DAO: variants seen among roughly 807,000 people sequenced by gnomAD.
The protein encoded by DAO is D-amino acid oxidase.
Under a neutral mutation model 50.1 loss-of-function variants are expected in DAO, and 51 were observed. The observed-to-expected ratio is 1.02, with a 90% CI of 0.81 to 1.29. The LOEUF is 1.29. DAO is among the 50% of genes most tolerant of loss of function. The pLI is 0.00. For missense variants in DAO, 436 were observed against 439.4 expected, an observed-to-expected ratio of 0.99 and a Z score of 0.07; for synonymous variants, 160 against 166.2, an observed-to-expected ratio of 0.96 and a Z score of 0.29.
chr12:108,883,118 T>G (rs950886659), intron 1 of DAO, among the ~76,000 whole-genome samples: 4 of 150,310 alleles, frequency 2.7e-5, no homozygotes, highest in Non-Finnish European at 5.9e-5. Flanking sequence ...AAGGCAGAAG[T>G]GAAGCCAGGT....
intron 5 of DAO, among the ~76,000 whole-genome samples, chr12:108,891,995 G>A (rs970431990): frequency 4.6e-5 from 7 of 152,058 alleles, no homozygotes; most frequent in Non-Finnish European, 1.0e-4. Context: ...CTAACCTGGG[G>A]ACACATGACC....
At position 108,880,131 on chromosome 12, in the gene DAO, A is replaced by G. The variant is rs894065841; in HGVS notation, c.-103A>G. 2 of 456,600 alleles carry G rather than the reference A, an allele frequency of 4.4e-6. No individual in the cohort carries two copies. Among genetic ancestry groups the G allele is most frequent in the African/African-American group, 4.0e-5 (2 of 50,072 alleles). 28.3% of individuals were successfully genotyped at this position (456,600 alleles called of 1,614,324 possible). On this transcript the variant is annotated 5_prime_UTR_variant, in exon 1 of 11. Transcript: ENST00000228476. ...GCTGGCGGACAGAGGGCTGGAAACA[A>G]GACGCTCCAGAATCAGGAGCTTCCC...
chr12:108,885,291 T>G, intron 2 of DAO, 91 bp downstream of exon 2: 1 of 1,237,104 alleles, frequency 8.1e-7, no homozygotes, highest in African/African-American at 1.5e-5. Context: ...AGCAAGCCCC[T>G]TGTGGAAGCT....
chr12:108,895,974 C>A (rs1463202721), intron 7 of DAO, among the ~76,000 whole-genome samples: 1 of 151,672 alleles, frequency 6.6e-6, no homozygotes, highest in African/African-American at 2.4e-5. Flanking sequence ...GTCACAGATG[C>A]ACCTGTGACT....
At chr12:108,880,409 C>T (rs545540626) in intron 1 of DAO, 185 bp downstream of exon 1, 35 of 310,738 alleles carry the variant, frequency 1.1e-4, no homozygotes, top group South Asian at 2.9e-4. Flanking sequence ...ATTTTTCCCT[C>T]CCCAAGCCTC....
At chr12:108,898,882 G>T in intron 9 of DAO, 86 bp downstream of exon 9, 1 of 851,724 alleles carries the variant, frequency 1.2e-6, no homozygotes. Context: ...AGATGCCACC[G>T]CTGGGATAAC....
At chr12:108,900,095 C>T in intron 10 of DAO, 1 of 386,260 alleles carries the variant, frequency 2.6e-6, no homozygotes, top group Non-Finnish European at 4.9e-6. Context: ...GATGAGGAAA[C>T]TGGGGTGAAT....
At chr12:108,891,542 C>T (rs893130638) in intron 5 of DAO, among the ~76,000 whole-genome samples, 2 of 151,696 alleles carry the variant, frequency 1.3e-5, no homozygotes, top group African/African-American at 4.8e-5. Flanking sequence ...GATTTTAGGA[C>T]CCCACTCTAT....
Position 108,884,987 on chromosome 12 carries a change from C to G in DAO, c.-9-11C>G, listed in dbSNP as rs747209075. 3 of 1,613,612 alleles carry G rather than the reference C, an allele frequency of 1.9e-6. No individual in the cohort carries two copies. Among genetic ancestry groups the G allele is most frequent in the Non-Finnish European group, 2.5e-6 (3 of 1,179,656 alleles). On this transcript the variant is annotated splice_polypyrimidine_tract_variant and intron_variant, in intron 1 of 10. Transcript: ENST00000228476. ...GTGATGATGTTGTGCCTCAACCCTT[C>G]CTTCCCACAGGCTGCTGCAATGCGT...
intron 1 of DAO, among the ~76,000 whole-genome samples, chr12:108,881,977 A>G (rs1247648615): frequency 1.3e-5 from 2 of 151,860 alleles, no homozygotes; most frequent in Non-Finnish European, 2.9e-5. Flanking sequence ...ATTTTATTTT[A>G]TCTTATTTTA....
At chr12:108,884,484 T>C (rs1003132617) in intron 1 of DAO, among the ~76,000 whole-genome samples, 1 of 152,232 alleles carries the variant, frequency 6.6e-6, no homozygotes, top group African/African-American at 2.4e-5. Flanking sequence ...AATGTCAGTA[T>C]ATTACTTCTT....
At chr12:108,892,163 T>C (rs2039498703) in intron 5 of DAO, among the ~76,000 whole-genome samples, 1 of 140,768 alleles carries the variant, frequency 7.1e-6, no homozygotes, top group East Asian at 2.0e-4. Context: ...TTTCTTCTTT[T>C]TTTTTTTTTT....
chr12:108,897,922 G>C (rs538084493), intron 8 of DAO, among the ~76,000 whole-genome samples: 2 of 151,364 alleles, frequency 1.3e-5, no homozygotes, highest in East Asian at 3.9e-4. Flanking sequence ...ACTCCAGCTT[G>C]GGCCACAGAG....
Position 108,901,016 on chromosome 12 carries a change from C to A in DAO, c.*481C>A, listed in dbSNP as rs2039617300. On this transcript the variant is annotated 3_prime_UTR_variant, in exon 11 of 11. Transcript: ENST00000228476. ...CCCAGAGCACCCATGAATGCCATGACACAAATCTGAGAAAATGCTGGAACA... is the reference window on the plus strand; with the variant it reads ...CCCAGAGCACCCATGAATGCCATGAAACAAATCTGAGAAAATGCTGGAACA... 1 of 198,258 alleles carries A rather than the reference C, an allele frequency of 5.0e-6. No individual in the cohort carries two copies. 12.3% of individuals were successfully genotyped at this position (198,258 alleles called of 1,614,324 possible).
intron 7 of DAO, among the ~76,000 whole-genome samples, chr12:108,894,722 T>G (rs1006341153): frequency 2.0e-5 from 3 of 152,136 alleles, no homozygotes; most frequent in Non-Finnish European, 4.4e-5. Flanking sequence ...ATTATTATTA[T>G]CATTGTTATT....
chr12:108,890,462 G>C (rs1294979201), intron 5 of DAO, among the ~76,000 whole-genome samples, 189 bp downstream of exon 5: 1 of 152,202 alleles, frequency 6.6e-6, no homozygotes, highest in Non-Finnish European at 1.5e-5. Context: ...GAGCCTAGCT[G>C]AGCATCAGAA....
chr12:108,894,307 A>G lies in DAO; in HGVS notation c.552A>G (p.Val184=), dbSNP rs769925183. The change falls in exon 7 of 11, where the codon GTA becomes GTG. Residue 184 remains valine, a synonymous_variant. Transcript: ENST00000228476. ...GADVIVNCTG[V]WAGALQRDPL... is the part of the protein sequence containing the mutation. ...ACGTGATTGTCAACTGCACTGGGGT[A>G]TGGGCTGGGGCGCTACAACGAGACC... The G allele has an allele frequency of 6.2e-7, 1 of 1,614,010 alleles. No individual in the cohort carries two copies. The highest frequency in any genetic ancestry group is 1.1e-5 in the South Asian group (1 of 91,052).
chr12:108,898,420 T>G, intron 8 of DAO: 1 of 476,862 alleles, frequency 2.1e-6, no homozygotes, highest in Non-Finnish European at 3.9e-6. Context: ...ATGTTAGTGG[T>G]GGTGGTGAAA....
rs975245844 is a variant in DAO at position 108,900,969 on chromosome 12, A to G, written c.*434A>G. On this transcript the variant is annotated 3_prime_UTR_variant, in exon 11 of 11. Transcript: ENST00000228476. ...GTTTAACCCAGTGCTTGCTAAACCT[A>G]TCTGGCTATGGAACTCTTTTGCCCA... 3.5e-5 allele frequency: 8 copies of G among 229,484 alleles called. No homozygotes were observed. Among genetic ancestry groups the G allele is most frequent in the East Asian group, 2.4e-4 (2 of 8,510 alleles). The allele number at this position is 229,484 out of a possible 1,614,324, so 14.2% of individuals were successfully genotyped here. A position where few individuals can be genotyped will look rare whatever the true frequency, so the allele number is the denominator to read the frequency against.
Sources: allele counts gnomAD v4.1 joint callset (sites outside exome capture counted in the v4.1 genomes callset), GRCh38; gene constraint gnomAD v4.1.1; transcripts MANE v1.5; gene names NCBI Gene and HGNC (gene_info 2026-07-23, HGNC 2026-07-21).